The following ANK3 variants were observed in gnomAD, a reference collection of about 807,000 sequenced individuals.
The protein encoded by ANK3 is ankyrin-3.
Under a neutral mutation model 370.9 loss-of-function variants are expected in ANK3, and 57 were observed. The ratio of observed to expected loss-of-function variants is 0.15; its 90% CI spans 0.12 to 0.19. The LOEUF (loss-of-function observed/expected upper bound fraction) is 0.19, where lower values mean the gene tolerates loss of function less well. Among genes scored for constraint, ANK3 ranks in the 10% least tolerant of loss-of-function variants. The probability of loss-of-function intolerance (pLI) is 1.00; values close to 1 mark genes in which losing one functional copy is unlikely to be tolerated. For synonymous variants in ANK3, 1,929 were observed against 1,946.3 expected, an observed-to-expected ratio of 0.99 and a Z score of 0.23; for missense variants, 4,439 against 5,302.1, an observed-to-expected ratio of 0.84 and a Z score of 5.06.
intron 2 of ANK3, among the ~76,000 whole-genome samples, chr10:60,515,156 G>A (rs1212261215): frequency 3.3e-5 from 5 of 152,100 alleles, no homozygotes; most frequent in Non-Finnish European, 7.4e-5. Context: ...AGACATTTTG[G>A]GGTGATGCAG....
At chr10:60,053,567 A>C (rs1199972137) in intron 42 of ANK3, 41 of 793,208 alleles carry the variant, frequency 5.2e-5, no homozygotes, top group Admixed American at 4.0e-5. Flanking sequence ...CTTTTAGTGA[A>C]TTATCTAGGA....
chr10:60,094,479 A>T (rs879802024), intron 28 of ANK3, among the ~76,000 whole-genome samples: 13 of 152,060 alleles, frequency 8.5e-5, no homozygotes, highest in Non-Finnish European at 1.8e-4. Context: ...TGACCCGTGA[A>T]AACCACGCCC....
At chr10:60,520,871 C>T (rs184373127) in intron 2 of ANK3, among the ~76,000 whole-genome samples, 135 of 152,058 alleles carry the variant, frequency 8.9e-4, no homozygotes, top group South Asian at 5.0e-3. Context: ...TGACATGTTT[C>T]GAATTCTTTG....
In ANK3 at chr10:60,072,541, C is replaced by T. The variant is rs768048243; in HGVS notation, c.8340G>A (p.Val2780=). Residue 2780 remains valine (V), a synonymous_variant, in exon 37 of 44, where the codon GTG becomes GTA. Transcript: ENST00000280772. ...TTTTTAATACCATAAAATCTTTTTGCACAGATACACTTTCATCTGGGAGGT... is the reference window on the plus strand; with the variant it reads ...TTTTTAATACCATAAAATCTTTTTGTACAGATACACTTTCATCTGGGAGGT... ...AIDLPDESVS[V]QKDFMVLKTK... 5 of 1,613,182 alleles carry T rather than the reference C, an allele frequency of 3.1e-6. No homozygotes were observed. The Admixed American group carries it at 6.7e-5, about 22-fold the overall frequency.
chr10:60,285,777 G>GCCTGCTGT (rs2098235430), intron 1 of ANK3, among the ~76,000 whole-genome samples: 1 of 152,128 alleles, frequency 6.6e-6, no homozygotes, highest in Non-Finnish European at 1.5e-5. Flanking sequence ...AAACAGAAGT[G>GCCTGCTGT]TGCTGAGATA....
At chr10:60,519,616 AC>A (rs978335386) in intron 2 of ANK3, among the ~76,000 whole-genome samples, 6 of 152,084 alleles carry the variant, frequency 3.9e-5, no homozygotes, top group African/African-American at 1.4e-4. Flanking sequence ...TGAACTAAGA[AC>A]AAGCCTCAGC....
chr10:60,104,624 G>A (rs1428811556), intron 28 of ANK3, among the ~76,000 whole-genome samples: 2 of 151,942 alleles, frequency 1.3e-5, no homozygotes, highest in Non-Finnish European at 2.9e-5. Flanking sequence ...CACATATGAA[G>A]GCATTTATCA....
intron 2 of ANK3, among the ~76,000 whole-genome samples, chr10:60,428,623 C>T (rs1319141199): frequency 2.0e-5 from 3 of 152,178 alleles, no homozygotes; most frequent in African/African-American, 7.2e-5. Flanking sequence ...TTAGAAACTG[C>T]ATTGGCATTG....
intron 9 of ANK3, among the ~76,000 whole-genome samples, chr10:60,212,854 G>T (rs564605431): frequency 6.6e-6 from 1 of 152,048 alleles, no homozygotes; most frequent in South Asian, 2.1e-4. Flanking sequence ...TTCAAATGAT[G>T]TCAAATGGTT....
chr10:60,343,748 G>A (rs1372681961), intron 1 of ANK3, among the ~76,000 whole-genome samples: 1 of 152,138 alleles, frequency 6.6e-6, no homozygotes, highest in Non-Finnish European at 1.5e-5. Context: ...TACAGTTGTG[G>A]GTGAAGTTTC....
intron 43 of ANK3, among the ~76,000 whole-genome samples, chr10:60,032,194 CTTTTTTTTTTTT>C (rs552219776): frequency 7.0e-5 from 3 of 43,116 alleles, no homozygotes; most frequent in African/African-American, 8.2e-5. Flanking sequence ...TACACAGCTT[CTTTTTTTTTTTT>C]TTTTTTTTTT....
chr10:60,358,438 C>G (rs550160855), intron 1 of ANK3, among the ~76,000 whole-genome samples: 1 of 152,256 alleles, frequency 6.6e-6, no homozygotes, highest in East Asian at 1.9e-4. Flanking sequence ...CCTGGTCTTT[C>G]CCCTGCCTCA....
At chr10:60,405,147 C>T (rs529698398) in intron 2 of ANK3, among the ~76,000 whole-genome samples, 10 of 152,214 alleles carry the variant, frequency 6.6e-5, no homozygotes, top group African/African-American at 1.9e-4. Context: ...CAAACACCTA[C>T]CCTATAACCT....
chr10:60,326,232 C>A (rs1357301513), intron 1 of ANK3, among the ~76,000 whole-genome samples: 1 of 152,074 alleles, frequency 6.6e-6, no homozygotes, highest in African/African-American at 2.4e-5. Flanking sequence ...CCCCATGACA[C>A]AAGTTTACAT....
intron 1 of ANK3, among the ~76,000 whole-genome samples, chr10:60,309,076 T>C (rs1373772914): frequency 6.6e-6 from 1 of 152,162 alleles, no homozygotes; most frequent in Admixed American, 6.6e-5. Context: ...TAAGAAAAGA[T>C]ACAAAAGAAT....
chr10:60,115,360 A>G (rs142334690), intron 25 of ANK3, among the ~76,000 whole-genome samples: 1 of 152,314 alleles, frequency 6.6e-6, no homozygotes, highest in African/African-American at 2.4e-5. Flanking sequence ...GTGAAGGAAT[A>G]TATCACCATC....
chr10:60,322,200 C>T (rs1189588271), intron 1 of ANK3, among the ~76,000 whole-genome samples: 1 of 152,046 alleles, frequency 6.6e-6, no homozygotes, highest in Non-Finnish European at 1.5e-5. Context: ...AATAAAATGG[C>T]TATAGACCTC....
In ANK3 at chr10:60,673,526, A is replaced by G. The variant is rs2079087898; in HGVS notation, c.58-58302T>C. ...CCACCACACCTAGCTAATTTTTTGT[A>G]TTTTTAGTAGAGATGGGGTTCCACC... On this transcript the variant is annotated intron_variant, in intron 1 of 43. Transcript: ENST00000373827. Among the ~76,000 whole-genome samples, 7 of 151,724 alleles carry G rather than the reference A, an allele frequency of 4.6e-5. No homozygotes were observed. The South Asian group carries it at 1.5e-3, about 32-fold the overall frequency.
At chr10:60,160,264 T>C (rs759452357) in intron 23 of ANK3, among the ~76,000 whole-genome samples, 3 of 152,042 alleles carry the variant, frequency 2.0e-5, no homozygotes, top group African/African-American at 7.2e-5. Flanking sequence ...TTAGAGACTA[T>C]TATGAGCAAC....
Sources: allele counts gnomAD v4.1 joint callset (sites outside exome capture counted in the v4.1 genomes callset), GRCh38; gene constraint gnomAD v4.1.1; transcripts MANE v1.5; gene names NCBI Gene and HGNC (gene_info 2026-07-23, HGNC 2026-07-21).